Variants in EVI5 observed in about 807,000 individuals in gnomAD.
EVI5 encodes ecotropic viral integration site 5, also known as ecotropic viral integration site 5 protein homolog.
In EVI5, 73 loss-of-function variants were observed where a neutral mutation model predicts 112.0. The observed-to-expected ratio is 0.65, with a 90% CI of 0.54 to 0.79. EVI5 has a LOEUF of 0.79. Among genes scored for constraint, EVI5 ranks in the 30% least tolerant of loss-of-function variants. EVI5 has a pLI of 0.00. For missense variants in EVI5, 900 were observed against 968.8 expected (o/e 0.93, Z 0.94); for synonymous variants, 305 against 319.9 (o/e 0.95, Z 0.50).
At chr1:92,657,014 C>T (rs1001033943) in intron 13 of EVI5, among the ~76,000 whole-genome samples, 1 of 152,016 alleles carries the variant, frequency 6.6e-6, no homozygotes, top group Non-Finnish European at 1.5e-5. Context: ...CAAGGAGGGA[C>T]TCCTCCTTAA....
Position 92,522,214 on chromosome 1 carries a change from C to T in EVI5, c.2167-8244G>A, listed in dbSNP as rs76949489. Among the ~76,000 whole-genome samples the T allele has an allele frequency of 4.0e-4, 61 of 152,304 alleles. No homozygotes were observed. In the East Asian group the frequency reaches 4.6e-3, roughly 12 times the overall value. On this transcript the variant is annotated intron_variant, in intron 19 of 19. Transcript: ENST00000684568. ...CTCAGTTTCTGAACTCACAGTTCTT[C>T]AGAGCCGTCTTATTCTTTCATTAAG...
At chr1:92,616,999 C>A (rs146911139) in intron 16 of EVI5, among the ~76,000 whole-genome samples, 1,664 of 152,332 alleles carry the variant, frequency 0.011, 32 homozygotes, top group Non-Finnish European at 0.013. Context: ...TCCACTCCTG[C>A]CACCCTGTCT....
chr1:92,539,527 A>G (rs11164771), intron 19 of EVI5, among the ~76,000 whole-genome samples: 20,765 of 134,668 alleles, frequency 0.15, 1,878 homozygotes, highest in South Asian at 0.25. Context: ...TGGGCGACAG[A>G]GCTAGACTCC....
At chr1:92,556,870 C>T (rs1667758383) in intron 19 of EVI5, among the ~76,000 whole-genome samples, 1 of 150,508 alleles carries the variant, frequency 6.6e-6, no homozygotes, top group African/African-American at 2.4e-5. Context: ...AGTGCAGTGG[C>T]ATGATCTTAG....
At chr1:92,517,122 C>G (rs7524475) in intron 19 of EVI5, among the ~76,000 whole-genome samples, 2 of 152,082 alleles carry the variant, frequency 1.3e-5, no homozygotes, top group East Asian at 3.8e-4. Flanking sequence ...TGTATCAGTG[C>G]GACCCACATT....
rs200517169 is a variant in EVI5, at chr1:92,511,526, G to C, written c.*2130C>G. 6.6e-6 allele frequency: 1 copy of C among 152,074 alleles called. No individual in the cohort carries two copies. Among genetic ancestry groups the C allele is most frequent in the African/African-American group, 2.4e-5 (1 of 41,392 alleles). 9.4% of individuals were successfully genotyped at this position (152,074 alleles called of 1,614,324 possible). A position where few individuals can be genotyped will look rare whatever the true frequency, so the allele number is the denominator to read the frequency against. On this transcript the variant is annotated 3_prime_UTR_variant, in exon 20 of 20. Coordinates refer to ENST00000684568, the MANE Select transcript of EVI5 (RefSeq NM_001350197.2). ...CCCTTTCAAAAGCTTTGGTGTTAGG[G>C]AGATCTAGGTTAAAATCTTGGCTCT... is the stretch of plus-strand genomic sequence containing the variant.
chr1:92,675,656 C>T (rs1391759912), intron 10 of EVI5, among the ~76,000 whole-genome samples: 1 of 151,882 alleles, frequency 6.6e-6, no homozygotes, highest in Non-Finnish European at 1.5e-5. Flanking sequence ...CTCATAGTAC[C>T]TAAAAGAAAA....
At chr1:92,683,841 A>T (rs2102378650) in intron 9 of EVI5, among the ~76,000 whole-genome samples, 1 of 152,336 alleles carries the variant, frequency 6.6e-6, no homozygotes, top group Non-Finnish European at 1.5e-5. Flanking sequence ...CGAAAAGACA[A>T]GATGAGAGAA....
chr1:92,605,366 C>A lies in EVI5; in HGVS notation c.2011G>T (p.Ala671Ser). The stretch of plus-strand genomic sequence containing the variant: ...TCAGCCACAGCAGCTATGCTATCTG[C>A]TTCCCGAAGCCTCACAGCCATCACT... The part of the protein sequence containing the change: ...EEVMAVRLRE[A>S]DSIAAVAELR... Residue 671 changes from alanine to serine, a missense_variant, in exon 18 of 20, where the codon GCA (alanine) becomes TCA (serine). Ala to Ser is a moderately conservative substitution (Grantham distance 99). Transcript: ENST00000684568. The A allele has an allele frequency of 6.2e-7, 1 of 1,613,642 alleles. No individual in the cohort carries two copies. The highest frequency in any genetic ancestry group is 8.5e-7 in the Non-Finnish European group (1 of 1,179,624).
chr1:92,567,669 A>G (rs1467943371), intron 18 of EVI5, among the ~76,000 whole-genome samples: 1 of 152,204 alleles, frequency 6.6e-6, no homozygotes, highest in Non-Finnish European at 1.5e-5. Flanking sequence ...AGCACACTCT[A>G]TGATTCACAC....
intron 19 of EVI5, among the ~76,000 whole-genome samples, chr1:92,525,843 TTTTA>T (rs1323944771): frequency 6.6e-6 from 1 of 152,184 alleles, no homozygotes; most frequent in Non-Finnish European, 1.5e-5. Context: ...TATGTTCCCA[TTTTA>T]TTTATTTTTA....
chr1:92,748,844 A>T (rs901519999), intron 1 of EVI5, among the ~76,000 whole-genome samples: 3 of 152,146 alleles, frequency 2.0e-5, no homozygotes, highest in Non-Finnish European at 4.4e-5. Flanking sequence ...ATGCGGGCAG[A>T]TCACCTGAGG....
At chr1:92,593,063 C>T (rs1307338411) in intron 18 of EVI5, among the ~76,000 whole-genome samples, 1 of 152,188 alleles carries the variant, frequency 6.6e-6, no homozygotes, top group Non-Finnish European at 1.5e-5. Context: ...CTCCCTAACT[C>T]ATTTTATGAG....
rs1339182103 is a variant in EVI5, at chr1:92,698,051, T to C, written c.640-66A>G. On this transcript the variant is annotated intron_variant, in intron 5 of 19. Transcript: ENST00000684568. ...CTGATACACAAATAAACCAATGATA[T>C]TTAAACTAAGTACACAGCCAACCAC... 6 of 1,457,088 alleles carry C rather than the reference T, an allele frequency of 4.1e-6. No homozygotes were observed. In the Admixed American group the frequency reaches 1.1e-4, roughly 26 times the overall value. The allele number at this position is 1,457,088 out of a possible 1,614,324, so 90.3% of individuals were successfully genotyped here.
chr1:92,788,107 T>C (rs576069568), upstream of EVI5, among the ~76,000 whole-genome samples: 2 of 152,132 alleles, frequency 1.3e-5, no homozygotes, highest in South Asian at 2.1e-4. Context: ...GTGAGTTACA[T>C]AGGTATATTC....
intron 2 of EVI5, among the ~76,000 whole-genome samples, chr1:92,705,372 TAA>T (rs1558114132): frequency 2.0e-5 from 3 of 152,166 alleles, no homozygotes; most frequent in Non-Finnish European, 4.4e-5. Flanking sequence ...TCTTGAAAAA[TAA>T]AAAGATAAGG....
Position 92,760,011 on chromosome 1 carries a change from A to G in EVI5, c.-81-23384T>C, listed in dbSNP as rs555955249. Among the ~76,000 whole-genome samples the G allele has an allele frequency of 1.5e-4, 23 of 152,344 alleles. 1 individual carries two copies. In the South Asian group the frequency reaches 2.7e-3, roughly 18 times the overall value. On this transcript the variant is annotated intron_variant, in intron 1 of 19. Coordinates refer to ENST00000684568, the MANE Select transcript of EVI5 (RefSeq NM_001350197.2). ...TAATAGTTTGCTCTGGCTAAACTAT[A>G]AAGAGAACAGAAGTAACAGAAACTG...
upstream of EVI5, chr1:92,785,207 A>T (rs1330543734): frequency 1.7e-6 from 1 of 583,420 alleles, no homozygotes; most frequent in African/African-American, 2.0e-5. Context: ...CGAGAAAAGG[A>T]GAAGGCGAAG....
At chr1:92,703,696 G>A (rs1240986194) in intron 3 of EVI5, 77 bp from the exon 4 acceptor site, 1 of 864,528 alleles carries the variant, frequency 1.2e-6, no homozygotes, top group Non-Finnish European at 1.8e-6. Flanking sequence ...TTATTAGGGG[G>A]TTGGAATGAA....
Sources: allele counts gnomAD v4.1 joint callset (sites outside exome capture counted in the v4.1 genomes callset), GRCh38; gene constraint gnomAD v4.1.1; transcripts MANE v1.5; gene names NCBI Gene and HGNC (gene_info 2026-07-23, HGNC 2026-07-21).